The following KCNIP4 variants were observed in gnomAD, a reference collection of about 807,000 sequenced individuals.
KCNIP4 encodes Kv channel-interacting protein 4.
KCNIP4 carries 12 observed loss-of-function variants against 34.0 expected under a neutral mutation model. The ratio of observed to expected loss-of-function variants is 0.35; its 90% CI spans 0.23 to 0.57. The LOEUF is 0.57. Ranked by LOEUF, KCNIP4 falls within the 20% of genes least tolerant of loss-of-function variation. The pLI, the probability that KCNIP4 is intolerant of heterozygous loss-of-function variation, is 0.83. For synonymous variants in KCNIP4, 124 were observed against 102.2 expected (o/e 1.21, Z -1.29); for missense variants, 238 against 311.7 (o/e 0.76, Z 1.78).
chr4:21,523,664 T>C (rs1397747816), intron 1 of KCNIP4, among the ~76,000 whole-genome samples: 1 of 152,030 alleles, frequency 6.6e-6, no homozygotes, highest in African/African-American at 2.4e-5. Context: ...CTCAAACTCT[T>C]GAGCTCAAGT....
At chr4:21,814,593 T>A (rs536874417) in intron 1 of KCNIP4, among the ~76,000 whole-genome samples, 1 of 152,258 alleles carries the variant, frequency 6.6e-6, no homozygotes, top group South Asian at 2.1e-4. Flanking sequence ...CTCAGGTACA[T>A]CTTTATCAGC....
At chr4:21,412,860 T>C (rs1233904988) in intron 1 of KCNIP4, among the ~76,000 whole-genome samples, 1 of 152,210 alleles carries the variant, frequency 6.6e-6, no homozygotes, top group Non-Finnish European at 1.5e-5. Context: ...TCCTTTAAGA[T>C]TGTAGGTCAT....
At chr4:21,867,509 C>T (rs1024601829) in intron 1 of KCNIP4, among the ~76,000 whole-genome samples, 5 of 152,166 alleles carry the variant, frequency 3.3e-5, no homozygotes, top group East Asian at 1.9e-4. Context: ...AGACCAGTAG[C>T]GTTCTTCCAG....
chr4:21,759,732 A>T (rs1210253631), intron 1 of KCNIP4, among the ~76,000 whole-genome samples: 1 of 152,114 alleles, frequency 6.6e-6, no homozygotes. Context: ...CTGAGGTCAC[A>T]CAGCAGTAGA....
At position 21,698,921 on chromosome 4, in the gene KCNIP4, C is replaced by T. The variant is rs925429682; in HGVS notation, c.61+249650G>A. 1.4e-4 allele frequency among the ~76,000 whole-genome samples: 21 copies of T among 152,162 alleles called. 1 individual carries two copies. Among genetic ancestry groups the T allele is most frequent in the African/African-American group, 5.1e-4 (21 of 41,448 alleles). ...AACTCTTCCCCATTCCCACCAGTCTCAGGGTTCTAACCATTCTAACCATTT... is the reference window on the plus strand; with the variant it reads ...AACTCTTCCCCATTCCCACCAGTCTTAGGGTTCTAACCATTCTAACCATTT... On this transcript the variant is annotated intron_variant, in intron 1 of 8. Transcript: ENST00000382152.
chr4:21,640,326 C>T (rs1366211082), intron 1 of KCNIP4, among the ~76,000 whole-genome samples: 1 of 152,116 alleles, frequency 6.6e-6, no homozygotes, highest in Non-Finnish European at 1.5e-5. Flanking sequence ...GTAGCAGTTC[C>T]CACTGTATTT....
At chr4:20,733,009 T>G (rs950757842) in intron 6 of KCNIP4, among the ~76,000 whole-genome samples, 2 of 152,174 alleles carry the variant, frequency 1.3e-5, no homozygotes, top group Non-Finnish European at 2.9e-5. Context: ...ATCTCTTGGT[T>G]TCAAAAGGAA....
In KCNIP4 at chr4:21,589,808, A is replaced by G. The variant is rs1461935669; in HGVS notation, c.61+358763T>C. On this transcript the variant is annotated intron_variant, in intron 1 of 8. Coordinates refer to ENST00000382152, the MANE Select transcript of KCNIP4 (RefSeq NM_025221.6). ...CCAAGTATGTTTTTTTCTCCATTGC[A>G]TTGCTGCCATTAATTGAGTAGTTCT... Among the ~76,000 whole-genome samples, 5 of 152,042 alleles carry G rather than the reference A, an allele frequency of 3.3e-5. No individual in the cohort carries two copies. The East Asian group carries it at 9.7e-4, about 30-fold the overall frequency.
At chr4:21,540,506 C>A (rs74356457) in intron 1 of KCNIP4, among the ~76,000 whole-genome samples, 1 of 152,068 alleles carries the variant, frequency 6.6e-6, no homozygotes, top group African/African-American at 2.4e-5. Context: ...CTTGCATTTC[C>A]CCTAAAAACA....
chr4:21,313,294 C>T (rs1488447739), intron 1 of KCNIP4, among the ~76,000 whole-genome samples: 1 of 152,156 alleles, frequency 6.6e-6, no homozygotes, highest in Non-Finnish European at 1.5e-5. Flanking sequence ...TCTCCTCCAA[C>T]AAATTATTCC....
At chr4:21,909,604 C>G (rs781556189) in intron 1 of KCNIP4, among the ~76,000 whole-genome samples, 2 of 152,080 alleles carry the variant, frequency 1.3e-5, no homozygotes, top group Admixed American at 1.3e-4. Flanking sequence ...TAAGGCTTAC[C>G]TCTTTGTATT....
At position 21,442,226 on chromosome 4, in the gene KCNIP4, G is replaced by T. The variant is rs191457556; in HGVS notation, c.61+506345C>A. On this transcript the variant is annotated intron_variant, in intron 1 of 8. Transcript: ENST00000382152. ...TCCTCTCCCAGGCTTGCAGAGATTC[G>T]CCAGGAGGAAAAAAAAAGTGAGACT... Among the ~76,000 whole-genome samples, 203 of 152,050 alleles carry T rather than the reference G, an allele frequency of 1.3e-3. 1 individual carries two copies. The highest frequency in any genetic ancestry group is 1.4e-3 in the African/African-American group (56 of 41,472).
At chr4:21,027,166 A>T (rs898691947) in intron 1 of KCNIP4, among the ~76,000 whole-genome samples, 1 of 152,168 alleles carries the variant, frequency 6.6e-6, no homozygotes, top group Non-Finnish European at 1.5e-5. Context: ...TCGGTAATGG[A>T]GGTAGACTAA....
intron 1 of KCNIP4, among the ~76,000 whole-genome samples, chr4:20,957,821 A>G (rs1258353532): frequency 6.6e-6 from 1 of 152,212 alleles, no homozygotes; most frequent in Admixed American, 6.5e-5. Context: ...AAAATATAGA[A>G]TTATCTAAAA....
chr4:21,597,849 C>T (rs1742777114), intron 1 of KCNIP4, among the ~76,000 whole-genome samples: 1 of 151,624 alleles, frequency 6.6e-6, no homozygotes, highest in Non-Finnish European at 1.5e-5. Flanking sequence ...GAATTAGGTC[C>T]CCAGTGGTAA....
intron 1 of KCNIP4, among the ~76,000 whole-genome samples, chr4:21,077,075 G>A (rs1411946384): frequency 6.6e-6 from 1 of 151,958 alleles, no homozygotes; most frequent in Non-Finnish European, 1.5e-5. Flanking sequence ...CAGTGACAGT[G>A]AGCTGAAATT....
chr4:20,861,489 G>A (rs10516366), intron 2 of KCNIP4, among the ~76,000 whole-genome samples: 4,684 of 152,206 alleles, frequency 0.031, 105 homozygotes, highest in Admixed American at 0.072. Context: ...GAATCCTGAT[G>A]TTTTAGTTAG....
At chr4:20,924,714 T>C (rs1577375334) in intron 1 of KCNIP4, among the ~76,000 whole-genome samples, 1 of 152,216 alleles carries the variant, frequency 6.6e-6, no homozygotes, top group East Asian at 1.9e-4. Context: ...GCGTCCCAGA[T>C]CCACAATTTA....
intron 1 of KCNIP4, among the ~76,000 whole-genome samples, chr4:21,198,121 A>G (rs1020953086): frequency 1.3e-5 from 2 of 152,222 alleles, no homozygotes; most frequent in African/African-American, 2.4e-5. Context: ...CCTGAAATCC[A>G]AATTACTGCA....
Sources: allele counts gnomAD v4.1 joint callset (sites outside exome capture counted in the v4.1 genomes callset), GRCh38; gene constraint gnomAD v4.1.1; transcripts MANE v1.5; gene names NCBI Gene and HGNC (gene_info 2026-07-23, HGNC 2026-07-21).